KLHL6: variants seen among roughly 807,000 people sequenced by gnomAD.
The protein encoded by KLHL6 is kelch like family member 6, also known as kelch-like protein 6.
A neutral mutation model predicts 58.6 loss-of-function variants in KLHL6; 41 were observed. The ratio of observed to expected loss-of-function variants is 0.70; its 90% confidence interval spans 0.55 to 0.91. KLHL6 has a LOEUF of 0.91. Among genes scored for constraint, KLHL6 ranks in the 40% least tolerant of loss-of-function variants. KLHL6 has a pLI of 0.00. For missense variants in KLHL6, 714 were observed against 805.6 expected (o/e 0.89, Z 1.38); for synonymous variants, 338 against 322.7 (o/e 1.05, Z -0.51).
At chr3:183,554,774 G>A (rs1008830791) in intron 1 of KLHL6, among the ~76,000 whole-genome samples, 1 of 152,144 alleles carries the variant, frequency 6.6e-6, no homozygotes, top group African/African-American at 2.4e-5. Flanking sequence ...CCATCCTTTG[G>A]AACAAGGAAA....
At chr3:183,507,900 T>C (rs531250175) in intron 3 of KLHL6, among the ~76,000 whole-genome samples, 159 bp downstream of exon 3, 33 of 152,272 alleles carry the variant, frequency 2.2e-4, no homozygotes, top group African/African-American at 7.7e-4. Context: ...AGATCAGGAA[T>C]CAGGGCTTCT....
chr3:183,520,148 T>C (rs1043976388), intron 2 of KLHL6: 2 of 152,078 alleles, frequency 1.3e-5, no homozygotes, highest in Non-Finnish European at 2.9e-5. Flanking sequence ...CTGTTGTCAA[T>C]GTTGATCTGA....
chr3:183,498,178 G>C (rs1043411231), intron 4 of KLHL6, among the ~76,000 whole-genome samples: 4 of 152,122 alleles, frequency 2.6e-5, no homozygotes, highest in Admixed American at 6.5e-5. Flanking sequence ...AGATTGCAGT[G>C]AGCCGAGATC....
intron 1 of KLHL6, among the ~76,000 whole-genome samples, chr3:183,538,441 TATAC>T (rs1306791416): frequency 1.3e-5 from 2 of 152,286 alleles, no homozygotes; most frequent in South Asian, 4.1e-4. Context: ...ATTCCCCGTT[TATAC>T]CAGGAACGAA....
intron 5 of KLHL6, 150 bp downstream of exon 5, chr3:183,493,929 G>A (rs1717639691): frequency 1.4e-6 from 1 of 712,592 alleles, no homozygotes; most frequent in East Asian, 2.5e-5. Context: ...TAGCTCCTAG[G>A]AGGAGGGAAG....
intron 2 of KLHL6, among the ~76,000 whole-genome samples, chr3:183,510,603 G>A (rs146649561): frequency 0.015 from 2,336 of 152,150 alleles, 56 homozygotes; most frequent in African/African-American, 0.054. Flanking sequence ...GGCCGGGCGC[G>A]GTGGCTCACG....
intron 1 of KLHL6, among the ~76,000 whole-genome samples, chr3:183,544,280 A>G (rs73884515): frequency 6.6e-6 from 1 of 151,980 alleles, no homozygotes; most frequent in Non-Finnish European, 1.5e-5. Flanking sequence ...CTTTACAGCT[A>G]GCAGAGGACA....
At position 183,516,003 on chromosome 3, in the gene KLHL6, G is replaced by C. The variant is rs148294007; in HGVS notation, c.460-7495C>G. On this transcript the variant is annotated intron_variant, in intron 2 of 6. Coordinates refer to ENST00000341319, the MANE Select transcript of KLHL6 (RefSeq NM_130446.4). The stretch of plus-strand genomic sequence containing the variant: ...TAGCATTTGTATAAAGGAGCAAATA[G>C]AGAATTCAAAGAGCGATGCAAGTTC... 7.9e-5 allele frequency among the ~76,000 whole-genome samples: 12 copies of C among 152,380 alleles called. No individual in the cohort carries two copies. The East Asian group carries it at 2.3e-3, about 29-fold the overall frequency.
At chr3:183,514,922 G>A (rs1711514874) in intron 2 of KLHL6, among the ~76,000 whole-genome samples, 1 of 152,026 alleles carries the variant, frequency 6.6e-6, no homozygotes, top group Non-Finnish European at 1.5e-5. Flanking sequence ...TGCCCACCTC[G>A]GCCTCCCAAA....
Position 183,491,716 on chromosome 3 carries a change from C to G in KLHL6, c.*211G>C, listed in dbSNP as rs78516882. ...TGCTAAATATTACTCTTCCTCGCCT[C>G]CCCTCCTGAGGTAGGTCATGCAAAC... On this transcript the variant is annotated 3_prime_UTR_variant, in exon 7 of 7. Coordinates refer to ENST00000341319, the MANE Select transcript of KLHL6 (RefSeq NM_130446.4). 4 of 422,790 alleles carry G rather than the reference C, an allele frequency of 9.5e-6. No homozygotes were observed. Among genetic ancestry groups the G allele is most frequent in the Non-Finnish European group, 1.7e-5 (4 of 242,366 alleles). The allele number at this position is 422,790 out of a possible 1,614,324, so 26.2% of individuals were successfully genotyped here. A position where few individuals can be genotyped will look rare whatever the true frequency, so the allele number is the denominator to read the frequency against.
intron 1 of KLHL6, among the ~76,000 whole-genome samples, chr3:183,544,233 T>C (rs891826800): frequency 6.6e-6 from 1 of 151,280 alleles, no homozygotes; most frequent in Non-Finnish European, 1.5e-5. Context: ...GCCTTAACGT[T>C]TTCCATAGAA....
chr3:183,494,424 T>C (rs1276571570), intron 4 of KLHL6, 143 bp from the exon 5 acceptor site: 1 of 665,514 alleles, frequency 1.5e-6, no homozygotes, highest in Non-Finnish European at 2.6e-6. Flanking sequence ...AGCAGGTGTG[T>C]GATGTCTGGC....
intron 2 of KLHL6, chr3:183,522,473 A>G (rs2108682289): frequency 6.6e-6 from 1 of 152,358 alleles, no homozygotes; most frequent in Middle Eastern, 3.4e-3. Flanking sequence ...AGTGCATCAA[A>G]TAGTCAACAG....
chr3:183,499,396 GT>G lies in KLHL6; in HGVS notation c.1147+193del, dbSNP rs1717805566. Reference sequence around the variant, plus strand: ...GAAAAAAATAGTACAATGTTGCTCAGTTTTTTGTTTATTAAGTAGCAATGTA... The same window carrying G: ...GAAAAAAATAGTACAATGTTGCTCAGTTTTTGTTTATTAAGTAGCAATGTA... On this transcript the variant is annotated intron_variant, in intron 4 of 6. Coordinates refer to ENST00000341319, the MANE Select transcript of KLHL6 (RefSeq NM_130446.4). This position sits in a 1 kb window ranked among gnomAD's most constrained non-coding sequence, Gnocchi z 4.6. 6.6e-6 allele frequency among the ~76,000 whole-genome samples: 1 copy of G among 152,140 alleles called. No individual in the cohort carries two copies. Among genetic ancestry groups the G allele is most frequent in the South Asian group, 2.1e-4 (1 of 4,822 alleles).
intron 1 of KLHL6, among the ~76,000 whole-genome samples, chr3:183,550,982 G>A (rs534788227): frequency 4.6e-5 from 7 of 151,986 alleles, no homozygotes; most frequent in South Asian, 2.1e-4. Flanking sequence ...TTAGCTGGGC[G>A]TGGTGGCGGG....
chr3:183,545,559 G>A (rs1273178322), intron 1 of KLHL6, among the ~76,000 whole-genome samples: 3 of 152,184 alleles, frequency 2.0e-5, no homozygotes, highest in East Asian at 3.9e-4. Context: ...TCCACATGCT[G>A]TGGATCTCTC....
At chr3:183,502,676 A>C (rs1174819340) in intron 3 of KLHL6, among the ~76,000 whole-genome samples, 1 of 152,196 alleles carries the variant, frequency 6.6e-6, no homozygotes, top group African/African-American at 2.4e-5. Flanking sequence ...CCAACAGTAC[A>C]GTAAGTGTGA....
At chr3:183,533,086 A>T (rs564717333) in intron 1 of KLHL6, among the ~76,000 whole-genome samples, 1 of 152,284 alleles carries the variant, frequency 6.6e-6, no homozygotes, top group East Asian at 1.9e-4. Flanking sequence ...GGGAGCCGTT[A>T]TCTCCCAGCC....
chr3:183,529,625 G>C (rs1296260338), intron 1 of KLHL6, among the ~76,000 whole-genome samples: 1 of 151,956 alleles, frequency 6.6e-6, no homozygotes, highest in Non-Finnish European at 1.5e-5. Flanking sequence ...ATCACTTGAG[G>C]TCAAGACCAG....
Sources: gnomAD v4.1 joint callset for allele counts (sites outside exome capture counted in the v4.1 genomes callset) on GRCh38, gnomAD v4.1.1 for gene constraint, Gnocchi (gnomAD v3.1) non-coding constraint, MANE v1.5 for transcripts, NCBI Gene and HGNC (gene_info 2026-07-23, HGNC 2026-07-21) for gene names.